The following CDH18 variants were observed in gnomAD, a reference collection of about 807,000 sequenced individuals.
CDH18 encodes cadherin 18.
In CDH18, 31 loss-of-function variants were observed where a neutral mutation model predicts 67.9. The observed-to-expected ratio is 0.46, with a 90% CI of 0.34 to 0.62. CDH18 has a LOEUF of 0.62. Ranked by LOEUF, CDH18 falls within the 20% of genes least tolerant of loss-of-function variation. CDH18 has a pLI of 0.01. For missense variants in CDH18, 890 were observed against 975.5 expected, an observed-to-expected ratio of 0.91 and a Z score of 1.17; for synonymous variants, 362 against 347.2, an observed-to-expected ratio of 1.04 and a Z score of -0.48.
intron 1 of CDH18, among the ~76,000 whole-genome samples, chr5:20,457,243 AC>A (rs1165752582): frequency 1.3e-5 from 2 of 152,206 alleles, no homozygotes; most frequent in Non-Finnish European, 2.9e-5. Context: ...TAGAGGCAAG[AC>A]AATGTACCAT....
intron 5 of CDH18, among the ~76,000 whole-genome samples, chr5:19,646,852 A>G (rs1455670198): frequency 6.6e-6 from 1 of 152,128 alleles, no homozygotes; most frequent in Non-Finnish European, 1.5e-5. Flanking sequence ...ACAACATGCA[A>G]TGGTCAAAGA....
intron 1 of CDH18, among the ~76,000 whole-genome samples, chr5:20,388,050 A>C (rs1160152369): frequency 6.6e-6 from 1 of 152,124 alleles, no homozygotes; most frequent in Non-Finnish European, 1.5e-5. Flanking sequence ...TGTCTCTGCC[A>C]GGCTTTGGTA....
intron 1 of CDH18, among the ~76,000 whole-genome samples, chr5:20,291,037 TGA>T (rs1212576712): frequency 6.6e-6 from 1 of 151,838 alleles, no homozygotes; most frequent in Non-Finnish European, 1.5e-5. Flanking sequence ...GTCTTAAATA[TGA>T]GAGTGATTAT....
intron 2 of CDH18, among the ~76,000 whole-genome samples, chr5:19,866,533 G>C (rs1053770674): frequency 6.6e-6 from 1 of 152,160 alleles, no homozygotes; most frequent in Non-Finnish European, 1.5e-5. Context: ...GCAAGAAGGC[G>C]TGGCGAACCT....
At chr5:20,206,414 C>A (rs1739893946) in intron 2 of CDH18, among the ~76,000 whole-genome samples, 1 of 151,748 alleles carries the variant, frequency 6.6e-6, no homozygotes, top group African/African-American at 2.4e-5. Flanking sequence ...ATTTAATTAA[C>A]TAATTCCAAT....
chr5:19,981,948 T>A (rs1169992441), intron 1 of CDH18, among the ~76,000 whole-genome samples: 2 of 152,200 alleles, frequency 1.3e-5, no homozygotes, highest in African/African-American at 4.8e-5. Context: ...CTACAAATAC[T>A]ACAAAATACT....
chr5:19,985,852 T>C (rs968995092), intron 1 of CDH18, among the ~76,000 whole-genome samples: 1 of 152,174 alleles, frequency 6.6e-6, no homozygotes, highest in Non-Finnish European at 1.5e-5. Flanking sequence ...TCAAAAGAAG[T>C]AAGTTTTTCC....
intron 2 of CDH18, among the ~76,000 whole-genome samples, chr5:20,115,776 C>T (rs527559648): frequency 9.2e-5 from 14 of 152,010 alleles, no homozygotes; most frequent in Non-Finnish European, 1.9e-4. Flanking sequence ...CCATTTGATA[C>T]CTGTGTTGGT....
chr5:20,145,743 C>T (rs1019067589), intron 2 of CDH18, among the ~76,000 whole-genome samples: 1 of 152,124 alleles, frequency 6.6e-6, no homozygotes, highest in African/African-American at 2.4e-5. Flanking sequence ...TTTATGTTGA[C>T]CACTCATTAA....
chr5:20,009,427 CTCTT>C (rs1169203293), intron 2 of CDH18, among the ~76,000 whole-genome samples: 2 of 151,986 alleles, frequency 1.3e-5, no homozygotes, highest in African/African-American at 2.4e-5. Flanking sequence ...ACTGTACTCT[CTCTT>C]TATGTCTGGA....
chr5:20,128,879 T>C (rs1243737439), intron 2 of CDH18, among the ~76,000 whole-genome samples: 2 of 152,070 alleles, frequency 1.3e-5, no homozygotes, highest in Non-Finnish European at 2.9e-5. Flanking sequence ...TAATACACTC[T>C]TTTCAGGATG....
At position 19,964,571 on chromosome 5, in the gene CDH18, C is replaced by T. The variant is rs1038092689; in HGVS notation, c.-257+16489G>A. 2.9e-4 allele frequency among the ~76,000 whole-genome samples: 43 copies of T among 150,328 alleles called. 1 individual carries two copies. Among genetic ancestry groups the T allele is most frequent in the Admixed American group, 2.6e-3 (40 of 15,146 alleles). On this transcript the variant is annotated intron_variant, in intron 2 of 12. Transcript: ENST00000382275. ...TGCTGAAGTGGGAGGATTTCTTGAG[C>T]CTTGGAGGTTGAGGCAGCAGTGAGT...
At chr5:19,548,148 T>G (rs908737737) in intron 8 of CDH18, among the ~76,000 whole-genome samples, 126 of 152,238 alleles carry the variant, frequency 8.3e-4, no homozygotes, top group African/African-American at 3.0e-3. Context: ...CAATACTTTA[T>G]GAATGTATAT....
At chr5:20,316,340 T>A (rs148527947) in intron 1 of CDH18, among the ~76,000 whole-genome samples, 1 of 152,132 alleles carries the variant, frequency 6.6e-6, no homozygotes, top group Non-Finnish European at 1.5e-5. Context: ...AACTTGAAAT[T>A]TAAGATCTCT....
At chr5:19,524,820 A>G (rs1009882225) in intron 9 of CDH18, among the ~76,000 whole-genome samples, 1 of 152,052 alleles carries the variant, frequency 6.6e-6, no homozygotes, top group Non-Finnish European at 1.5e-5. Flanking sequence ...ATCTCCGCTC[A>G]CTACAAGCTC....
intron 1 of CDH18, chr5:20,304,202 G>A: frequency 7.3e-6 from 11 of 1,501,100 alleles, no homozygotes; most frequent in Non-Finnish European, 1.0e-5. Context: ...CCCTGTTGGC[G>A]TACGTGGCAT....
At chr5:19,903,928 T>C (rs1790235510) in intron 2 of CDH18, among the ~76,000 whole-genome samples, 1 of 151,994 alleles carries the variant, frequency 6.6e-6, no homozygotes, top group Non-Finnish European at 1.5e-5. Flanking sequence ...AATGCTTCCA[T>C]TTAATAAGAA....
At chr5:20,518,439 GC>G (rs1182144802) in intron 1 of CDH18, among the ~76,000 whole-genome samples, 1 of 152,042 alleles carries the variant, frequency 6.6e-6, no homozygotes, top group Non-Finnish European at 1.5e-5. Flanking sequence ...GATTATGTGG[GC>G]TCCCTTTTTG....
chr5:20,087,246 G>C lies in CDH18; in HGVS notation c.-517-95232C>G, dbSNP rs567203496. On this transcript the variant is annotated intron_variant, in intron 2 of 14. Coordinates refer to the CDH18 transcript ENST00000507958. ...TCATGACAAAGGTTGAATGGGTTAGGAGTTGCATAACATGGAAAAACAAAG... is the reference window on the plus strand; with the variant it reads ...TCATGACAAAGGTTGAATGGGTTAGCAGTTGCATAACATGGAAAAACAAAG... 4.6e-5 allele frequency among the ~76,000 whole-genome samples: 7 copies of C among 152,066 alleles called. No individual in the cohort carries two copies. The South Asian group carries it at 8.3e-4, about 18-fold the overall frequency.
Sources: allele counts gnomAD v4.1 joint callset (sites outside exome capture counted in the v4.1 genomes callset), GRCh38; gene constraint gnomAD v4.1.1; transcripts MANE v1.5; gene names NCBI Gene and HGNC (gene_info 2026-07-23, HGNC 2026-07-21).